Variants in GALNT13 observed in about 807,000 individuals in gnomAD.
GALNT13 encodes polypeptide N-acetylgalactosaminyltransferase 13, also known as UDP-GalNAc:polypeptide N-acetylgalactosaminyltransferase 13.
GALNT13 carries 28 observed loss-of-function variants against 64.2 expected under a neutral mutation model. The observed-to-expected ratio is 0.44, with a 90% CI of 0.32 to 0.60. The LOEUF (loss-of-function observed/expected upper bound fraction) is 0.60, where lower values mean the gene tolerates loss of function less well. GALNT13 is among the 20% of genes least tolerant of loss of function. GALNT13 has a pLI of 0.05. For missense variants in GALNT13, 577 were observed against 669.8 expected (o/e 0.86, Z 1.53); for synonymous variants, 214 against 224.6 (o/e 0.95, Z 0.42).
At chr2:154,126,645 A>AAC (rs1558972823) in intron 3 of GALNT13, among the ~76,000 whole-genome samples, 1 of 151,670 alleles carries the variant, frequency 6.6e-6, no homozygotes, top group African/African-American at 2.4e-5. Flanking sequence ...AAAAAAACAA[A>AAC]AAAAAAAAAC....
rs5741595 is a variant in GALNT13 at position 154,283,577 on chromosome 2, CAA to C, written c.976-17816_976-17815del. 6.5e-3 allele frequency among the ~76,000 whole-genome samples: 848 copies of C among 131,122 alleles called. 5 individuals are homozygous for C. Among genetic ancestry groups the C allele is most frequent in the Admixed American group, 0.012 (155 of 13,280 alleles). The allele number at this position is 131,122 out of a possible 152,430, so 86.0% of individuals were successfully genotyped here. On this transcript the variant is annotated intron_variant, in intron 8 of 12. Coordinates refer to ENST00000392825, the MANE Select transcript of GALNT13 (RefSeq NM_052917.4). ...TGGGCGACAGAGCGAGACTCCGTCT[CAA>C]AAAAAAAAAAAAAAATTATACTTCA...
the GALNT13 span, among the ~76,000 whole-genome samples, chr2:153,215,196 C>T: frequency 1.3e-5 from 2 of 152,034 alleles, no homozygotes; most frequent in South Asian, 4.1e-4. Flanking sequence ...AAGTCCCCCT[C>T]CAGCTTCTTG....
intron 3 of GALNT13, among the ~76,000 whole-genome samples, chr2:154,011,600 GT>G (rs1362206780): frequency 1.3e-5 from 2 of 152,130 alleles, no homozygotes; most frequent in African/African-American, 4.8e-5. Context: ...TTGGTCAAGT[GT>G]TGTATTCAGT....
intron 3 of GALNT13, among the ~76,000 whole-genome samples, chr2:153,998,383 C>G (rs1235802986): frequency 6.6e-6 from 1 of 152,170 alleles, no homozygotes; most frequent in African/African-American, 2.4e-5. Flanking sequence ...TTGCATTTCT[C>G]TGATGACCAG....
At chr2:154,219,897 A>G (rs1688236392) in intron 4 of GALNT13, among the ~76,000 whole-genome samples, 3 of 152,082 alleles carry the variant, frequency 2.0e-5, no homozygotes, top group Admixed American at 2.0e-4. Flanking sequence ...TGCCTGATGC[A>G]CAGAAACAGG....
chr2:153,544,258 T>G, the GALNT13 span, among the ~76,000 whole-genome samples: 1 of 152,232 alleles, frequency 6.6e-6, no homozygotes, highest in African/African-American at 2.4e-5. Flanking sequence ...CTCTGCTGAT[T>G]GTTATTATTA....
chr2:154,114,043 T>C (rs1703135922), intron 3 of GALNT13, among the ~76,000 whole-genome samples: 1 of 152,224 alleles, frequency 6.6e-6, no homozygotes, highest in African/African-American at 2.4e-5. Flanking sequence ...CCGTCTGTCT[T>C]CTGCACAGGC....
chr2:153,780,699 T>C, the GALNT13 span, among the ~76,000 whole-genome samples: 2 of 152,124 alleles, frequency 1.3e-5, no homozygotes, highest in African/African-American at 4.8e-5. Context: ...TGAATATTTT[T>C]TGGGGGGAGA....
chr2:153,102,270 T>C, the GALNT13 span, among the ~76,000 whole-genome samples: 2 of 151,198 alleles, frequency 1.3e-5, no homozygotes, highest in African/African-American at 4.9e-5. Context: ...AGATATAGAG[T>C]GTATCTAACC....
At chr2:153,081,973 T>C in the GALNT13 span, among the ~76,000 whole-genome samples, 3 of 152,190 alleles carry the variant, frequency 2.0e-5, no homozygotes, top group Non-Finnish European at 4.4e-5. Context: ...GTCTTACTAA[T>C]TTACATTCCC....
intron 2 of GALNT13, among the ~76,000 whole-genome samples, chr2:153,907,119 T>G (rs1688619345): frequency 1.3e-5 from 2 of 151,984 alleles, no homozygotes; most frequent in South Asian, 4.1e-4. Context: ...TAAATTTGTT[T>G]GAGTTCATTG....
At chr2:153,983,463 G>A (rs1694602656) in intron 3 of GALNT13, among the ~76,000 whole-genome samples, 1 of 151,824 alleles carries the variant, frequency 6.6e-6, no homozygotes, top group Non-Finnish European at 1.5e-5. Flanking sequence ...TTAAAATAAT[G>A]TAATTTAATT....
intron 3 of GALNT13, among the ~76,000 whole-genome samples, chr2:153,990,303 C>G (rs1029541826): frequency 6.6e-6 from 1 of 151,954 alleles, no homozygotes; most frequent in Admixed American, 6.6e-5. Flanking sequence ...GACAAGTTGT[C>G]GCAGAAGACC....
the GALNT13 span, among the ~76,000 whole-genome samples, chr2:153,399,378 T>C: frequency 1.3e-5 from 2 of 152,228 alleles, no homozygotes; most frequent in African/African-American, 4.8e-5. Context: ...GCTTTGTTCT[T>C]TTCGCTTAGG....
chr2:153,168,914 A>G, the GALNT13 span, among the ~76,000 whole-genome samples: 1 of 152,162 alleles, frequency 6.6e-6, no homozygotes, highest in Non-Finnish European at 1.5e-5. Context: ...CACATTTATT[A>G]GAATAACTGT....
intron 9 of GALNT13, among the ~76,000 whole-genome samples, chr2:154,330,166 G>A (rs1695090788): frequency 6.6e-6 from 1 of 152,040 alleles, no homozygotes; most frequent in Non-Finnish European, 1.5e-5. Flanking sequence ...TCTCATCTAG[G>A]AACCCAGGCT....
chr2:153,545,596 C>A, the GALNT13 span, among the ~76,000 whole-genome samples: 1 of 152,106 alleles, frequency 6.6e-6, no homozygotes, highest in African/African-American at 2.4e-5. Flanking sequence ...TATGCAAGGC[C>A]CAGCAGCCCG....
the GALNT13 span, among the ~76,000 whole-genome samples, chr2:153,162,430 C>A: frequency 1.3e-5 from 2 of 152,108 alleles, no homozygotes; most frequent in African/African-American, 4.8e-5. Context: ...CCTATTCAAA[C>A]CCTGAAAATA....
chr2:154,326,011 G>T lies in GALNT13; in HGVS notation c.1156+24422G>T, dbSNP rs529340044. Among the ~76,000 whole-genome samples the T allele has an allele frequency of 2.0e-5, 3 of 152,216 alleles. No individual in the cohort carries two copies. The South Asian group carries it at 6.2e-4, about 32-fold the overall frequency. ...TGCTCTAAATTTGGAGAACCACTGT[G>T]CTCATCCCCTTGTATTCAGTATGTG... On this transcript the variant is annotated intron_variant, in intron 9 of 12. Coordinates refer to ENST00000392825, the MANE Select transcript of GALNT13 (RefSeq NM_052917.4).
Sources: gnomAD v4.1 joint callset for allele counts (sites outside exome capture counted in the v4.1 genomes callset) on GRCh38, gnomAD v4.1.1 for gene constraint, MANE v1.5 for transcripts, NCBI Gene and HGNC (gene_info 2026-07-23, HGNC 2026-07-21) for gene names.